EPC1: variants seen among roughly 807,000 people sequenced by gnomAD.
The protein encoded by EPC1 is enhancer of polycomb homolog 1.
Under a neutral mutation model 98.4 loss-of-function variants are expected in EPC1, and 12 were observed. That is an observed-to-expected ratio of 0.12 (90% confidence interval 0.08 to 0.20). The LOEUF is 0.20. EPC1 is among the 10% of genes least tolerant of loss of function. The pLI is 1.00. For synonymous variants in EPC1, 357 were observed against 363.9 expected (o/e 0.98, Z 0.21); for missense variants, 729 against 990.5 (o/e 0.74, Z 3.54).
At chr10:32,347,162 C>T, upstream of EPC1, 1 of 1,385,240 alleles carries the variant, frequency 7.2e-7, no homozygotes, top group Admixed American at 3.2e-5. Flanking sequence ...CCACTGTGCG[C>T]TCTTCAGCCA....
At chr10:32,353,820 GTAATCATTTC>G (rs1288296906) in intron 1 of EPC1, among the ~76,000 whole-genome samples, 2 of 152,212 alleles carry the variant, frequency 1.3e-5, no homozygotes, top group African/African-American at 4.8e-5. Context: ...ATCACTTGAA[GTAATCATTTC>G]TAATCATTTC....
At position 32,267,756 on chromosome 10, in the gene EPC1, T is replaced by C. The variant is rs1367601710; in HGVS notation, c.*1307A>G. ...AAGCAAAAGACCACTACACATTAGT[T>C]TGTCAACATGTAATGCCCTGGGTTT... On this transcript the variant is annotated 3_prime_UTR_variant, in exon 14 of 14. Transcript: ENST00000319778. 2.0e-5 allele frequency: 3 copies of C among 152,238 alleles called. No individual in the cohort carries two copies. The highest frequency in any genetic ancestry group is 2.9e-5 in the Non-Finnish European group (2 of 68,042). 9.4% of individuals were successfully genotyped at this position (152,238 alleles called of 1,614,324 possible).
chr10:32,371,182 C>A (rs1156311861), intron 1 of EPC1, among the ~76,000 whole-genome samples: 1 of 152,210 alleles, frequency 6.6e-6, no homozygotes, highest in Non-Finnish European at 1.5e-5. Context: ...CAATTAAACT[C>A]TTGGAAATGG....
rs528633457 is a variant in EPC1 at position 32,279,248 on chromosome 10, C to T, written c.1744+5450G>A. Among the ~76,000 whole-genome samples, 35 of 151,540 alleles carry T rather than the reference C, an allele frequency of 2.3e-4. No individual in the cohort carries two copies. The East Asian group carries it at 6.2e-3, about 27-fold the overall frequency. On this transcript the variant is annotated intron_variant, in intron 10 of 13. Coordinates refer to ENST00000319778, the MANE Select transcript of EPC1 (RefSeq NM_001272004.3). ...CCTGTAGTCCCAGCTACTCGGGAGG[C>T]TGAGGTGGGAGAATCGCTGAACCCG...
chr10:32,303,704 G>A (rs1835710530), intron 2 of EPC1, among the ~76,000 whole-genome samples: 1 of 152,192 alleles, frequency 6.6e-6, no homozygotes, highest in Non-Finnish European at 1.5e-5. Flanking sequence ...TGGTGCAGGT[G>A]AGTGTCTTGA....
intron 2 of EPC1, among the ~76,000 whole-genome samples, chr10:32,298,240 A>G (rs1225751649): frequency 6.6e-6 from 1 of 152,116 alleles, no homozygotes; most frequent in Non-Finnish European, 1.5e-5. Flanking sequence ...AGTAATAGAG[A>G]TGGAATGTAA....
In EPC1 at chr10:32,362,582, C is replaced by G. The variant is rs114485645; in HGVS notation, c.3+15909G>C. ...CGAGCAGATGCCAGCATCGTGCCTC[C>G]CATAAAGCGTGCTGAAGCATGAGCC... On this transcript the variant is annotated intron_variant, in intron 1 of 13. Coordinates refer to the EPC1 transcript ENST00000375110. Among the ~76,000 whole-genome samples the G allele has an allele frequency of 6.6e-3, 999 of 152,258 alleles. 14 individuals are homozygous for G. Among genetic ancestry groups the G allele is most frequent in the African/African-American group, 0.023 (956 of 41,548 alleles).
At chr10:32,355,107 T>C (rs1564565297) in intron 1 of EPC1, among the ~76,000 whole-genome samples, 2 of 152,156 alleles carry the variant, frequency 1.3e-5, no homozygotes, top group Admixed American at 6.5e-5. Flanking sequence ...CCTGGATCCA[T>C]AGAAAAGTTG....
rs368789620 is a variant in EPC1 at position 32,284,847 on chromosome 10, C to G, written c.1595G>C (p.Arg532Pro). The G allele has an allele frequency of 1.9e-6, 3 of 1,614,034 alleles. No individual in the cohort carries two copies. Among genetic ancestry groups the G allele is most frequent in the Non-Finnish European group, 2.5e-6 (3 of 1,180,010 alleles). The change falls in exon 10 of 14, where the codon CGG becomes CCG. Residue 532 changes from arginine (R) to proline (P), a missense_variant. Arg to Pro is a moderately radical substitution (Grantham distance 103). Coordinates refer to ENST00000319778, the MANE Select transcript of EPC1 (RefSeq NM_001272004.3). ...KSCRWRHFRP[R>P]TPSLHDSDND... is the part of the protein sequence containing the mutation. ...GTCACTGTCATGTAGGGATGGTGTC[C>G]GAGGCCTAAAATGCCGCCATCTACA...
At chr10:32,293,296 T>A (rs912921151) in intron 3 of EPC1, 102 bp from the exon 4 acceptor site, 2 of 958,986 alleles carry the variant, frequency 2.1e-6, no homozygotes, top group African/African-American at 3.3e-5. Flanking sequence ...TACAACATTA[T>A]TAACAAATGG....
chr10:32,318,656 C>T (rs1176825426), intron 1 of EPC1, among the ~76,000 whole-genome samples: 1 of 152,242 alleles, frequency 6.6e-6, no homozygotes, highest in East Asian at 1.9e-4. Context: ...TCACTGTCAT[C>T]TATCCAGTCA....
intron 13 of EPC1, among the ~76,000 whole-genome samples, chr10:32,270,839 A>G (rs2132631356): frequency 6.6e-6 from 1 of 151,246 alleles, no homozygotes; most frequent in East Asian, 1.9e-4. Flanking sequence ...AAAAAAAAAA[A>G]AAAAAAAAAA....
At chr10:32,306,109 C>CA (rs1366181695) in intron 1 of EPC1, among the ~76,000 whole-genome samples, 178 bp from the exon 2 acceptor site, 4 of 151,562 alleles carry the variant, frequency 2.6e-5, no homozygotes, top group Admixed American at 6.6e-5. Flanking sequence ...CAGGTAGAAA[C>CA]AAAAAAAATT....
chr10:32,350,506 C>T (rs77387154), upstream of EPC1, among the ~76,000 whole-genome samples: 607 of 152,286 alleles, frequency 4.0e-3, 3 homozygotes, highest in African/African-American at 0.014. Context: ...GGGAACGCAA[C>T]TGTATGAACA....
chr10:32,277,885 C>T (rs1379787575), intron 10 of EPC1, among the ~76,000 whole-genome samples: 1 of 151,330 alleles, frequency 6.6e-6, no homozygotes, highest in Non-Finnish European at 1.5e-5. Context: ...CTCTCTGAGT[C>T]CATTTGTACT....
chr10:32,354,516 C>A (rs1839215015), intron 1 of EPC1, among the ~76,000 whole-genome samples: 1 of 151,886 alleles, frequency 6.6e-6, no homozygotes. Context: ...GTAGTTGCAG[C>A]AGTATTGGGA....
At chr10:32,306,004 T>C (rs1344139787) in intron 1 of EPC1, 73 bp from the exon 2 acceptor site, 6 of 1,307,862 alleles carry the variant, frequency 4.6e-6, no homozygotes, top group Non-Finnish European at 6.1e-6. Flanking sequence ...GCCAAAAAGG[T>C]TTTTTTGGCT....
chr10:32,363,133 G>A (rs1363827914), intron 1 of EPC1, among the ~76,000 whole-genome samples: 1 of 152,168 alleles, frequency 6.6e-6, no homozygotes, highest in Non-Finnish European at 1.5e-5. Flanking sequence ...GAGTGCAGTG[G>A]CACAATCTCA....
chr10:32,369,672 A>T (rs1243194157), intron 1 of EPC1, among the ~76,000 whole-genome samples: 1 of 152,236 alleles, frequency 6.6e-6, no homozygotes, highest in Non-Finnish European at 1.5e-5. Flanking sequence ...TAGTGTAAGT[A>T]ATTGCACTAT....
Sources: allele counts gnomAD v4.1 joint callset (sites outside exome capture counted in the v4.1 genomes callset), GRCh38; gene constraint gnomAD v4.1.1; transcripts MANE v1.5; gene names NCBI Gene and HGNC (gene_info 2026-07-23, HGNC 2026-07-21).